Variants in CCDC138 observed in about 807,000 individuals in gnomAD.
The protein encoded by CCDC138 is coiled-coil domain-containing protein 138.
A neutral mutation model predicts 82.3 loss-of-function variants in CCDC138; 66 were observed. That is an observed-to-expected ratio of 0.80 (90% confidence interval 0.66 to 0.98). CCDC138 has a LOEUF of 0.98. Among genes scored for constraint, CCDC138 ranks in the 50% least tolerant of loss-of-function variants. CCDC138 has a pLI of 0.00. For synonymous variants in CCDC138, 297 were observed against 265.4 expected (o/e 1.12, Z -1.16); for missense variants, 816 against 758.9 (o/e 1.08, Z -0.88).
intron 7 of CCDC138, among the ~76,000 whole-genome samples, chr2:108,810,662 C>T (rs1171120693): frequency 6.6e-6 from 1 of 152,128 alleles, no homozygotes; most frequent in Non-Finnish European, 1.5e-5. Context: ...CATGGTAGTG[C>T]TGGCTTTGTA....
intron 10 of CCDC138, among the ~76,000 whole-genome samples, chr2:108,824,433 ACAGGGT>A (rs1274702630): frequency 6.6e-6 from 1 of 152,150 alleles, no homozygotes; most frequent in Non-Finnish European, 1.5e-5. Flanking sequence ...TTAGGCTTAC[ACAGGGT>A]CAGGATAATC....
At chr2:108,868,802 A>G (rs1694809967) in intron 13 of CCDC138, among the ~76,000 whole-genome samples, 1 of 152,014 alleles carries the variant, frequency 6.6e-6, no homozygotes, top group Admixed American at 6.6e-5. Flanking sequence ...AAACTTGAAG[A>G]AAAAAAAGCT....
At chr2:108,852,847 A>G (rs978896108) in intron 12 of CCDC138, among the ~76,000 whole-genome samples, 1 of 152,170 alleles carries the variant, frequency 6.6e-6, no homozygotes, top group Non-Finnish European at 1.5e-5. Context: ...CTCCTATGAC[A>G]CAAGTGTACC....
At chr2:108,844,356 T>C (rs181638441) in intron 11 of CCDC138, among the ~76,000 whole-genome samples, 33 of 152,358 alleles carry the variant, frequency 2.2e-4, no homozygotes, top group Admixed American at 3.9e-4. Flanking sequence ...CATTCTGTTA[T>C]TGAGACTGTT....
chr2:108,833,801 C>T (rs1333717188), intron 10 of CCDC138, among the ~76,000 whole-genome samples: 3 of 146,144 alleles, frequency 2.1e-5, no homozygotes, highest in Non-Finnish European at 4.5e-5. Context: ...GATCTCGGCT[C>T]ACTGCAAGCT....
chr2:108,864,793 C>A (rs76755403), intron 13 of CCDC138, among the ~76,000 whole-genome samples: 82 of 124,994 alleles, frequency 6.6e-4, no homozygotes, highest in Admixed American at 8.4e-4. Flanking sequence ...GACTCCATCT[C>A]AAAAAAAAAA....
chr2:108,805,876 A>G (rs1682791728), intron 7 of CCDC138, among the ~76,000 whole-genome samples: 1 of 152,226 alleles, frequency 6.6e-6, no homozygotes, highest in Non-Finnish European at 1.5e-5. Flanking sequence ...GAGAGACAAG[A>G]GAATGATTAT....
At position 108,845,640 on chromosome 2, in the gene CCDC138, C is replaced by T. The variant is rs1284776123; in HGVS notation, c.1324-1098C>T. On this transcript the variant is annotated intron_variant, in intron 11 of 14. Coordinates refer to ENST00000295124, the MANE Select transcript of CCDC138 (RefSeq NM_144978.3). The stretch of plus-strand genomic sequence containing the variant: ...AGGCTGGAGTGCAGTGGTGCGACCT[C>T]GGCTCACTGCAAGCTCCGCCTCCCG... Among the ~76,000 whole-genome samples the T allele has an allele frequency of 5.4e-5, 8 of 149,526 alleles. No individual in the cohort carries two copies. In the South Asian group the frequency reaches 1.1e-3, roughly 20 times the overall value.
intron 13 of CCDC138, among the ~76,000 whole-genome samples, chr2:108,869,774 AC>A (rs907236630): frequency 6.6e-6 from 1 of 152,084 alleles, no homozygotes; most frequent in Non-Finnish European, 1.5e-5. Context: ...CACTCCCTAC[AC>A]CGTTCCCAAG....
At chr2:108,861,697 T>A (rs775160684) in intron 13 of CCDC138, among the ~76,000 whole-genome samples, 62 of 152,110 alleles carry the variant, frequency 4.1e-4, no homozygotes, top group Non-Finnish European at 7.3e-4. Context: ...GCCAGACTGG[T>A]CTCGAACTCC....
chr2:108,823,798 G>A (rs1686105898), intron 10 of CCDC138, among the ~76,000 whole-genome samples: 1 of 152,146 alleles, frequency 6.6e-6, no homozygotes. Context: ...TGGCCAATGT[G>A]AAACTCCGTT....
chr2:108,797,909 A>G (rs1179395674), intron 5 of CCDC138, among the ~76,000 whole-genome samples: 3 of 151,808 alleles, frequency 2.0e-5, no homozygotes, highest in Non-Finnish European at 4.4e-5. Flanking sequence ...TTGAGAATCT[A>G]GTACAGGATT....
At chr2:108,884,775 C>A (rs1260108982) in intron 2 of CCDC138, 1 of 152,088 alleles carries the variant, frequency 6.6e-6, no homozygotes, top group East Asian at 1.9e-4. Flanking sequence ...CACTTGACCT[C>A]TTTTTCTCTT....
At chr2:108,820,234 C>T (rs986470169) in intron 10 of CCDC138, among the ~76,000 whole-genome samples, 5 of 151,946 alleles carry the variant, frequency 3.3e-5, no homozygotes, top group African/African-American at 1.2e-4. Context: ...ATGGTGCGAC[C>T]CCGTGCCTAC....
intron 13 of CCDC138, among the ~76,000 whole-genome samples, chr2:108,859,040 G>A (rs1480175139): frequency 2.0e-5 from 3 of 152,156 alleles, no homozygotes; most frequent in African/African-American, 7.2e-5. Flanking sequence ...TATATACCCA[G>A]TAATAGGATT....
At chr2:108,859,763 A>G (rs1239024258) in intron 13 of CCDC138, among the ~76,000 whole-genome samples, 1 of 151,808 alleles carries the variant, frequency 6.6e-6, no homozygotes, top group African/African-American at 2.4e-5. Context: ...TTTTTACTTA[A>G]GTTTGTTTTG....
At chr2:108,879,119 C>A (rs145091546), downstream of CCDC138, among the ~76,000 whole-genome samples, 2 of 152,222 alleles carry the variant, frequency 1.3e-5, no homozygotes, top group African/African-American at 4.8e-5. Flanking sequence ...ACTAGCAAAC[C>A]GTTGCAGTCT....
chr2:108,873,724 A>T, intron 14 of CCDC138, 135 bp downstream of exon 14: 1 of 569,944 alleles, frequency 1.8e-6, no homozygotes, highest in Non-Finnish European at 3.0e-6. Flanking sequence ...CACATAAAAT[A>T]CGCTAACACT....
intron 10 of CCDC138, among the ~76,000 whole-genome samples, chr2:108,818,098 G>GGGT (rs1320893471): frequency 1.3e-5 from 2 of 152,242 alleles, no homozygotes; most frequent in East Asian, 3.9e-4. Context: ...TTGAGCCTAG[G>GGGT]GGTTTGAGAT....
Sources: allele counts gnomAD v4.1 joint callset (sites outside exome capture counted in the v4.1 genomes callset), GRCh38; gene constraint gnomAD v4.1.1; transcripts MANE v1.5; gene names NCBI Gene and HGNC (gene_info 2026-07-23, HGNC 2026-07-21).